Variants in ANO4 observed in about 807,000 individuals in gnomAD.
ANO4 encodes anoctamin-4.
A neutral mutation model predicts 141.9 loss-of-function variants in ANO4; 69 were observed. The ratio of observed to expected loss-of-function variants is 0.49; its 90% CI spans 0.40 to 0.59. The LOEUF is 0.59. ANO4 is among the 20% of genes least tolerant of loss of function. The pLI, the probability that ANO4 is intolerant of heterozygous loss-of-function variation, is 0.00. For missense variants in ANO4, 894 were observed against 1,162.2 expected, an observed-to-expected ratio of 0.77 and a Z score of 3.36; for synonymous variants, 350 against 394.3, an observed-to-expected ratio of 0.89 and a Z score of 1.33.
chr12:100,921,055 T>G (rs1052449448), intron 2 of ANO4, among the ~76,000 whole-genome samples: 4 of 152,160 alleles, frequency 2.6e-5, no homozygotes, highest in African/African-American at 9.7e-5. Flanking sequence ...GAATCTGAGC[T>G]TGTAGCTTTG....
At position 100,891,751 on chromosome 12, in the gene ANO4, A is replaced by C. The variant is rs1234734700; in HGVS notation, c.-140-9895A>C. On this transcript the variant is annotated intron_variant, in intron 1 of 27. Coordinates refer to ENST00000392977, the MANE Select transcript of ANO4 (RefSeq NM_001286615.2). ...ACATATGTTATATCACATACTTGTC[A>C]ATTTTTATGGTGAGAATGCTTAAAA... Among the ~76,000 whole-genome samples the C allele has an allele frequency of 2.6e-5, 4 of 152,208 alleles. No homozygotes were observed. The East Asian group carries it at 5.8e-4, about 22-fold the overall frequency.
intron 7 of ANO4, among the ~76,000 whole-genome samples, chr12:100,976,290 T>C (rs909387335): frequency 6.6e-6 from 1 of 152,198 alleles, no homozygotes; most frequent in Non-Finnish European, 1.5e-5. Flanking sequence ...TACATTATGG[T>C]GGGTTTACTC....
chr12:101,116,857 T>C (rs558988679), intron 25 of ANO4, 59 bp downstream of exon 25: 3 of 1,610,124 alleles, frequency 1.9e-6, no homozygotes, highest in East Asian at 2.2e-5. Flanking sequence ...CGTGGGGAGG[T>C]TTTACTCTGA....
chr12:100,875,333 T>C (rs1325973266), intron 1 of ANO4, among the ~76,000 whole-genome samples: 1 of 151,976 alleles, frequency 6.6e-6, no homozygotes, highest in Non-Finnish European at 1.5e-5. Context: ...CAGGAAGCCA[T>C]GAAGAGAAAG....
intron 5 of ANO4, among the ~76,000 whole-genome samples, chr12:100,962,543 C>A (rs1374558112): frequency 6.6e-6 from 1 of 152,208 alleles, no homozygotes; most frequent in African/African-American, 2.4e-5. Context: ...AGGATCCCTC[C>A]AAGGCCACCC....
chr12:100,752,485 C>T (rs2032425557), intron 3 of ANO4, among the ~76,000 whole-genome samples: 1 of 152,098 alleles, frequency 6.6e-6, no homozygotes, highest in African/African-American at 2.4e-5. Context: ...AAGTCAAGAT[C>T]CATTAAACAG....
At chr12:100,776,112 G>A (rs78679985) in intron 3 of ANO4, among the ~76,000 whole-genome samples, 2,004 of 152,268 alleles carry the variant, frequency 0.013, 23 homozygotes, top group Non-Finnish European at 0.017. Flanking sequence ...AGGTAGCAGT[G>A]TTATTATCCC....
At chr12:100,931,861 C>A (rs2042097730) in intron 3 of ANO4, among the ~76,000 whole-genome samples, 2 of 152,078 alleles carry the variant, frequency 1.3e-5, no homozygotes, top group African/African-American at 4.8e-5. Flanking sequence ...TTGGAGCTAC[C>A]TTAGCTCTTC....
intron 14 of ANO4, among the ~76,000 whole-genome samples, chr12:101,064,624 CCTGCACATT>C (rs2048493252): frequency 6.6e-6 from 1 of 150,566 alleles, no homozygotes; most frequent in Admixed American, 6.6e-5. Context: ...GTGTAACAAA[CCTGCACATT>C]CTGCACATGT....
In ANO4 at chr12:101,038,626, G is replaced by C. The variant is rs531561383; in HGVS notation, c.898-1329G>C. 2.0e-5 allele frequency: 3 copies of C among 152,330 alleles called. No individual in the cohort carries two copies. In the East Asian group the frequency reaches 5.8e-4, roughly 29 times the overall value. The allele number at this position is 152,330 out of a possible 1,614,324, so 9.4% of individuals were successfully genotyped here. A position where few individuals can be genotyped will look rare whatever the true frequency, so the allele number is the denominator to read the frequency against. On this transcript the variant is annotated intron_variant, in intron 10 of 27. Transcript: ENST00000392977. ...TATTATTTAACCTCAGAGGCAAAAA[G>C]GCAGAAGGTCAGATATTGCTGCTCT...
intron 3 of ANO4, among the ~76,000 whole-genome samples, chr12:100,782,758 G>T (rs1225351004): frequency 6.6e-6 from 1 of 151,300 alleles, no homozygotes; most frequent in Non-Finnish European, 1.5e-5. Context: ...ATATTTTATA[G>T]ACTTCCTTCC....
intron 1 of ANO4, among the ~76,000 whole-genome samples, chr12:100,893,370 A>G (rs2040196804): frequency 6.6e-6 from 1 of 152,036 alleles, no homozygotes; most frequent in Non-Finnish European, 1.5e-5. Context: ...AACAAACCCA[A>G]ATCTCAGTGG....
At chr12:100,894,585 C>T (rs1026363902) in intron 1 of ANO4, among the ~76,000 whole-genome samples, 1 of 152,106 alleles carries the variant, frequency 6.6e-6, no homozygotes, top group African/African-American at 2.4e-5. Context: ...TGAGGTGCTA[C>T]CTCTTCCGCA....
intron 1 of ANO4, among the ~76,000 whole-genome samples, chr12:100,849,660 T>A (rs1316885593): frequency 3.3e-5 from 5 of 152,244 alleles, no homozygotes; most frequent in Non-Finnish European, 7.3e-5. Flanking sequence ...GATGGATTTT[T>A]AGGTGACCGT....
chr12:100,739,827 A>G (rs2031784126), intron 2 of ANO4: 1 of 699,348 alleles, frequency 1.4e-6, no homozygotes. Context: ...GATTGCTGCC[A>G]CTCACCTAAT....
chr12:100,955,896 C>T (rs1344626686), intron 5 of ANO4, among the ~76,000 whole-genome samples: 1 of 152,164 alleles, frequency 6.6e-6, no homozygotes, highest in African/African-American at 2.4e-5. Context: ...GGCCTTAGGG[C>T]TCCTCTGTGC....
chr12:100,923,907 A>T (rs2041751125), intron 3 of ANO4, among the ~76,000 whole-genome samples: 1 of 151,886 alleles, frequency 6.6e-6, no homozygotes, highest in South Asian at 2.1e-4. Context: ...GCATTTTTTC[A>T]TGTGTCTGTT....
At position 100,777,269 on chromosome 12, in the gene ANO4, C is replaced by CTTTT. The variant is rs71091463; in HGVS notation, c.358+37190_358+37193dup. On this transcript the variant is annotated intron_variant, in intron 3 of 29. Transcript: ENST00000644049. Reference sequence around the variant, plus strand: ...CACCAAGTCCAGCTAATTTTTGTATCTTTTTTTTTTTTTTTTTTTTTTTTT... The same window carrying CTTTT: ...CACCAAGTCCAGCTAATTTTTGTATCTTTTTTTTTTTTTTTTTTTTTTTTTTTTT... Among the ~76,000 whole-genome samples, 56 of 50,620 alleles carry CTTTT rather than the reference C, an allele frequency of 1.1e-3. 2 individuals carry two copies. The highest frequency in any genetic ancestry group is 1.3e-3 in the Admixed American group (5 of 3,872). The allele number at this position is 50,620 out of a possible 152,430, so 33.2% of individuals were successfully genotyped here. A position where few individuals can be genotyped will look rare whatever the true frequency, so the allele number is the denominator to read the frequency against.
At chr12:100,872,926 G>A (rs182261283) in intron 1 of ANO4, among the ~76,000 whole-genome samples, 11 of 152,286 alleles carry the variant, frequency 7.2e-5, no homozygotes, top group African/African-American at 2.6e-4. Context: ...TGATCATGGG[G>A]GCGGATTTCC....
Sources: gnomAD v4.1 joint callset for allele counts (sites outside exome capture counted in the v4.1 genomes callset) on GRCh38, gnomAD v4.1.1 for gene constraint, MANE v1.5 for transcripts, NCBI Gene and HGNC (gene_info 2026-07-23, HGNC 2026-07-21) for gene names.